NTRK1: variants seen among roughly 807,000 people sequenced by gnomAD.
NTRK1 encodes the protein neurotrophic receptor tyrosine kinase 1.
A neutral mutation model predicts 86.8 loss-of-function variants in NTRK1; 62 were observed. That is an observed-to-expected ratio of 0.71 (90% CI 0.58 to 0.88). The LOEUF is 0.88. Ranked by LOEUF, NTRK1 falls within the 40% of genes least tolerant of loss-of-function variation. NTRK1 has a pLI of 0.00. For missense variants in NTRK1, 967 were observed against 1,078.4 expected (o/e 0.90, Z 1.45); for synonymous variants, 469 against 456.6 (o/e 1.03, Z -0.35).
rs760602338 is a variant in NTRK1, at chr1:156,874,562, T to C, written c.1196-9T>C. ...CAAGGCTCACCCCTCCTGCCCTGTGTCCCTACAGACACTAACAGCACATCT... is the reference window on the plus strand; with the variant it reads ...CAAGGCTCACCCCTCCTGCCCTGTGCCCCTACAGACACTAACAGCACATCT... On this transcript the variant is annotated splice_polypyrimidine_tract_variant and intron_variant, in intron 9 of 16. Coordinates refer to ENST00000524377, the MANE Select transcript of NTRK1 (RefSeq NM_002529.4). The C allele has an allele frequency of 1.9e-6, 3 of 1,614,032 alleles. No individual in the cohort carries two copies. Among genetic ancestry groups the C allele is most frequent in the Non-Finnish European group, 1.7e-6 (2 of 1,179,974 alleles).
intron 2 of NTRK1, chr1:156,844,741 AGGATGAGTCC>A (rs1654928502): frequency 6.2e-7 from 1 of 1,614,018 alleles, no homozygotes; most frequent in Admixed American, 1.7e-5. Context: ...TTCGTACTTG[AGGATGAGTCC>A]GTTGGGGTCT....
intron 15 of NTRK1, 111 bp from the exon 16 acceptor site, chr1:156,879,888 G>T: frequency 7.1e-7 from 1 of 1,404,024 alleles, no homozygotes; most frequent in Non-Finnish European, 9.9e-7. Flanking sequence ...GATTACAGGC[G>T]TGAACCACCG....
At chr1:156,833,348 G>A (rs1654514210) in intron 1 of NTRK1, among the ~76,000 whole-genome samples, 1 of 152,180 alleles carries the variant, frequency 6.6e-6, no homozygotes, top group African/African-American at 2.4e-5. Context: ...CCTGAGGTCA[G>A]GAGTTCGAGA....
chr1:156,875,799 C>A, intron 12 of NTRK1, 133 bp downstream of exon 12: 1 of 1,342,598 alleles, frequency 7.4e-7, no homozygotes, highest in Non-Finnish European at 1.0e-6. Context: ...CTATTCCAGC[C>A]ATAGGCCCTG....
rs1286464365 is a variant in NTRK1 at position 156,860,954 on chromosome 1, G to A, written c.20G>A (p.Arg7His). The A allele has an allele frequency of 2.0e-6, 3 of 1,501,238 alleles. No homozygotes were observed. Among genetic ancestry groups the A allele is most frequent in the African/African-American group, 1.4e-5 (1 of 69,102 alleles). 93.0% of individuals were successfully genotyped at this position (1,501,238 alleles called of 1,614,324 possible). A position where few individuals can be genotyped will look rare whatever the true frequency, so the allele number is the denominator to read the frequency against. Residue 7 changes from arginine (R) to histidine (H), a missense_variant, in exon 1 of 17, where the codon CGC becomes CAC. By Grantham distance (29) the Arg-to-His change is conservative (BLOSUM62 0). Coordinates refer to ENST00000524377, the MANE Select transcript of NTRK1 (RefSeq NM_002529.4). The stretch of plus-strand genomic sequence containing the variant: ...GCCGCGATGCTGCGAGGCGGACGGC[G>A]CGGGCAGCTTGGCTGGCACAGCTGG... MLRGGR[R>H]GQLGWHSWAA...
rs774716037 is a variant in NTRK1 at position 156,881,445 on chromosome 1, C to T, written c.2206-12C>T. On this transcript the variant is annotated splice_polypyrimidine_tract_variant and intron_variant, in intron 16 of 16. Transcript: ENST00000524377. ...TAGTGGGCTTTCTCCTCTGTCTCTC[C>T]GGTGGCCCCAGGCAATCGACTGCAT... is the stretch of plus-strand genomic sequence containing the variant. 13 of 1,555,320 alleles carry T rather than the reference C, an allele frequency of 8.4e-6. No individual in the cohort carries two copies. Among genetic ancestry groups the T allele is most frequent in the South Asian group, 4.7e-5 (4 of 84,308 alleles).
rs748710832 is a variant in NTRK1, at chr1:156,880,166, C to G, written c.2205+9C>G. 1 of 1,612,776 alleles carries G rather than the reference C, an allele frequency of 6.2e-7. No homozygotes were observed. Among genetic ancestry groups the G allele is most frequent in the Admixed American group, 1.7e-5 (1 of 60,012 alleles). ...AGCTCTCCAACACGGAGGTCAGCCC[C>G]GGCCCATGGTCACCCCTTGCTGGCC... On this transcript the variant is annotated intron_variant, in intron 16 of 16. Transcript: ENST00000524377.
At chr1:156,852,290 A>G (rs1655244146) in intron 2 of NTRK1, 3 of 1,187,318 alleles carry the variant, frequency 2.5e-6, no homozygotes, top group South Asian at 1.6e-5. Context: ...GATGACACTC[A>G]ATCTGCACCC....
chr1:156,823,351 C>T (rs1248349923), intron 1 of NTRK1, among the ~76,000 whole-genome samples: 1 of 152,192 alleles, frequency 6.6e-6, no homozygotes, highest in Non-Finnish European at 1.5e-5. Context: ...ATGGTGCCTT[C>T]CTGAGCCTTC....
At chr1:156,851,582 G>A (rs1655209705) in intron 2 of NTRK1, 2 of 1,611,586 alleles carry the variant, frequency 1.2e-6, no homozygotes, top group African/African-American at 1.3e-5. Context: ...GTCATTGTAA[G>A]GGTTGTGTCT....
chr1:156,828,554 G>A lies in NTRK1; in HGVS notation c.-64+12716G>A, dbSNP rs149412330. On this transcript the variant is annotated intron_variant, in intron 1 of 16. Coordinates refer to the NTRK1 transcript ENST00000392302. ...TCCATGCTTCTCCTCACGCGCAGTC[G>A]CGGGTCGGCCTCTGTGTGTGGCAGA... 7.5e-3 allele frequency among the ~76,000 whole-genome samples: 1,138 copies of A among 152,350 alleles called. 15 individuals carry two copies. Among genetic ancestry groups the A allele is most frequent in the African/African-American group, 0.026 (1,090 of 41,580 alleles).
chr1:156,866,583 T>C (rs1325238717), intron 3 of NTRK1, among the ~76,000 whole-genome samples: 1 of 152,142 alleles, frequency 6.6e-6, no homozygotes, highest in African/African-American at 2.4e-5. Flanking sequence ...CCCCCAGCTG[T>C]GGCCTCAGCA....
chr1:156,834,574 T>G (rs1387505242), intron 1 of NTRK1, among the ~76,000 whole-genome samples: 4 of 152,212 alleles, frequency 2.6e-5, no homozygotes, highest in Non-Finnish European at 1.5e-5. Context: ...CGAGTCATTT[T>G]GCTTCTCAGA....
intron 2 of NTRK1, chr1:156,849,186 C>G (rs1202142144): frequency 1.2e-6 from 2 of 1,604,866 alleles, no homozygotes; most frequent in Non-Finnish European, 1.7e-6. Flanking sequence ...TCTCCCTCCC[C>G]CGGGTGTGCG....
chr1:156,838,175 C>G (rs545578871), intron 1 of NTRK1, among the ~76,000 whole-genome samples: 1 of 152,220 alleles, frequency 6.6e-6, no homozygotes, highest in African/African-American at 2.4e-5. Flanking sequence ...CCCCAGAGAA[C>G]TCCAACCTGT....
At chr1:156,853,966 C>A in intron 2 of NTRK1, 4 of 1,613,122 alleles carry the variant, frequency 2.5e-6, no homozygotes, top group Non-Finnish European at 3.4e-6. Context: ...GGTTCTTCTC[C>A]ACACGCACAG....
intron 4 of NTRK1, among the ~76,000 whole-genome samples, chr1:156,867,622 A>G (rs116134566): frequency 2.0e-5 from 3 of 147,372 alleles, no homozygotes; most frequent in African/African-American, 5.0e-5. Flanking sequence ...TGTGAGTCAC[A>G]GCGCCTGGCT....
At chr1:156,876,245 G>C (rs745792765) in intron 13 of NTRK1, 35 bp downstream of exon 13, 1 of 1,613,226 alleles carries the variant, frequency 6.2e-7, no homozygotes, top group East Asian at 2.2e-5. Context: ...TGCTGGCCTG[G>C]GTCCCACCCC....
intron 1 of NTRK1, among the ~76,000 whole-genome samples, chr1:156,824,741 C>G (rs1170802795): frequency 6.6e-6 from 1 of 152,166 alleles, no homozygotes; most frequent in African/African-American, 2.4e-5. Flanking sequence ...TGTTCTGGAA[C>G]CCTAGGGTGT....
Sources: allele counts gnomAD v4.1 joint callset (sites outside exome capture counted in the v4.1 genomes callset), GRCh38; gene constraint gnomAD v4.1.1; transcripts MANE v1.5; gene names NCBI Gene and HGNC (gene_info 2026-07-23, HGNC 2026-07-21).